ROBO2: variants seen among roughly 807,000 people sequenced by gnomAD.
ROBO2 encodes the protein roundabout homolog 2.
Under a neutral mutation model 160.8 loss-of-function variants are expected in ROBO2, and 53 were observed. That is an observed-to-expected ratio of 0.33 (90% CI 0.26 to 0.41). The LOEUF (loss-of-function observed/expected upper bound fraction) is 0.41, where lower values mean the gene tolerates loss of function less well. Among genes scored for constraint, ROBO2 ranks in the 10% least tolerant of loss-of-function variants. The pLI is 1.00. For missense variants in ROBO2, 1,577 were observed against 1,722.4 expected, an observed-to-expected ratio of 0.92 and a Z score of 1.49; for synonymous variants, 664 against 611.7, an observed-to-expected ratio of 1.09 and a Z score of -1.26.
intron 8 of ROBO2, among the ~76,000 whole-genome samples, chr3:77,554,042 G>T (rs1257946547): frequency 6.6e-6 from 1 of 151,894 alleles, no homozygotes; most frequent in Admixed American, 6.6e-5. Context: ...TTAAATGACA[G>T]ACTAACTCTC....
intron 2 of ROBO2, among the ~76,000 whole-genome samples, chr3:76,953,019 A>T (rs1313869340): frequency 2.0e-5 from 3 of 152,230 alleles, no homozygotes; most frequent in Middle Eastern, 6.3e-3. Context: ...GACAAAAATC[A>T]TGACAATGTA....
chr3:77,011,740 A>G (rs1426989182), intron 2 of ROBO2, among the ~76,000 whole-genome samples: 22 of 152,132 alleles, frequency 1.4e-4, no homozygotes, highest in Non-Finnish European at 1.5e-5. Context: ...TAAACTTTGC[A>G]TGAAGTTTTG....
At chr3:76,882,051 A>G (rs2073391267) in intron 2 of ROBO2, among the ~76,000 whole-genome samples, 1 of 145,438 alleles carries the variant, frequency 6.9e-6, no homozygotes, top group African/African-American at 2.6e-5. Context: ...TGGGCTCAGC[A>G]GGATCACCAC....
chr3:77,350,628 T>C (rs774531772), intron 2 of ROBO2, among the ~76,000 whole-genome samples: 2 of 152,124 alleles, frequency 1.3e-5, no homozygotes, highest in Non-Finnish European at 2.9e-5. Context: ...AGGTGTCAGG[T>C]GAAATTCAGC....
chr3:76,610,266 C>T (rs748943497), intron 2 of ROBO2, among the ~76,000 whole-genome samples: 5 of 152,180 alleles, frequency 3.3e-5, no homozygotes, highest in Non-Finnish European at 7.3e-5. Flanking sequence ...CCAGAAAGCT[C>T]TGCAGCTGCT....
chr3:76,391,358 G>A (rs537208395), intron 2 of ROBO2, among the ~76,000 whole-genome samples: 51 of 152,236 alleles, frequency 3.4e-4, no homozygotes, highest in Admixed American at 1.0e-3. Flanking sequence ...CATCTGCAAC[G>A]GACGGAGCCA....
intron 2 of ROBO2, among the ~76,000 whole-genome samples, chr3:77,254,842 G>A (rs367799574): frequency 6.6e-5 from 10 of 152,128 alleles, no homozygotes; most frequent in East Asian, 5.8e-4. Flanking sequence ...GTCTTGCTCC[G>A]AGTCACCCAT....
intron 7 of ROBO2, among the ~76,000 whole-genome samples, chr3:77,547,305 T>C (rs1025504451): frequency 2.0e-5 from 3 of 152,074 alleles, no homozygotes; most frequent in African/African-American, 7.2e-5. Flanking sequence ...TGGAGATATT[T>C]TCCTTCTAAA....
intron 2 of ROBO2, among the ~76,000 whole-genome samples, chr3:76,327,693 A>G (rs1051807602): frequency 4.6e-5 from 7 of 152,202 alleles, no homozygotes; most frequent in East Asian, 1.9e-4. Flanking sequence ...AAGAATTCCT[A>G]TTTAAGCAGG....
intron 2 of ROBO2, among the ~76,000 whole-genome samples, chr3:76,571,588 T>C (rs781565090): frequency 5.4e-4 from 82 of 152,260 alleles, no homozygotes; most frequent in Non-Finnish European, 1.0e-3. Flanking sequence ...AAGAACAATA[T>C]AATTCATAGG....
intron 2 of ROBO2, among the ~76,000 whole-genome samples, chr3:76,635,063 A>G (rs1038913714): frequency 6.6e-6 from 1 of 152,224 alleles, no homozygotes; most frequent in Admixed American, 6.5e-5. Flanking sequence ...ACTGTCTTCC[A>G]TGAAATCTGT....
At chr3:76,095,287 A>G (rs566701888) in intron 2 of ROBO2, among the ~76,000 whole-genome samples, 26 of 152,120 alleles carry the variant, frequency 1.7e-4, no homozygotes, top group Non-Finnish European at 3.8e-4. Context: ...GCAACTATAC[A>G]TTGTGAATTT....
chr3:76,764,937 C>A (rs1316064013), intron 2 of ROBO2, among the ~76,000 whole-genome samples: 1 of 151,574 alleles, frequency 6.6e-6, no homozygotes, highest in Non-Finnish European at 1.5e-5. Flanking sequence ...TTATGGGATA[C>A]AAAAGTGCAG....
chr3:77,428,365 T>TTTTTTTTG (rs2078426576), intron 2 of ROBO2, among the ~76,000 whole-genome samples: 1 of 112,632 alleles, frequency 8.9e-6, no homozygotes, highest in African/African-American at 2.8e-5. Context: ...TTTTTTTTTT[T>TTTTTTTTG]TGAGACGGAG....
chr3:75,950,343 A>G (rs1299891933), intron 2 of ROBO2, among the ~76,000 whole-genome samples: 1 of 152,142 alleles, frequency 6.6e-6, no homozygotes, highest in African/African-American at 2.4e-5. Context: ...ACATCATGAG[A>G]TCATATGTTC....
At chr3:76,718,221 A>G (rs2093412850) in intron 2 of ROBO2, among the ~76,000 whole-genome samples, 1 of 152,242 alleles carries the variant, frequency 6.6e-6, no homozygotes, top group East Asian at 1.9e-4. Flanking sequence ...TAATTGTCAC[A>G]GAAGCACAGA....
intron 2 of ROBO2, among the ~76,000 whole-genome samples, chr3:76,622,229 A>G (rs2089175438): frequency 1.7e-5 from 1 of 58,702 alleles, no homozygotes; most frequent in Non-Finnish European, 3.2e-5. Context: ...GAAGGAAGGA[A>G]GGAAGGAAGA....
chr3:77,117,692 A>G lies in ROBO2; in HGVS notation c.388+19352A>G, dbSNP rs116555773. Among the ~76,000 whole-genome samples the G allele has an allele frequency of 9.0e-3, 1,378 of 152,294 alleles. 24 individuals carry two copies. The highest frequency in any genetic ancestry group is 0.032 in the African/African-American group (1,313 of 41,576). On this transcript the variant is annotated intron_variant, in intron 2 of 25. Coordinates refer to ENST00000461745, the Ensembl canonical transcript of ROBO2. ...AAAAACTGGTTATATTTGTTGAGAA[A>G]TTAATAGATTGTGGCAGAGAATACA...
chr3:76,961,302 A>C (rs2079644535), intron 2 of ROBO2, among the ~76,000 whole-genome samples: 1 of 151,770 alleles, frequency 6.6e-6, no homozygotes, highest in East Asian at 1.9e-4. Flanking sequence ...CTCAAAGGAA[A>C]ATGTAAAAAA....
Sources: allele counts gnomAD v4.1 joint callset (sites outside exome capture counted in the v4.1 genomes callset), GRCh38; gene constraint gnomAD v4.1.1; transcripts MANE v1.5; gene names NCBI Gene and HGNC (gene_info 2026-07-23, HGNC 2026-07-21).